The following NPAT variants were observed in gnomAD, a reference collection of about 807,000 sequenced individuals.
The protein encoded by NPAT is nuclear protein, coactivator of histone transcription.
A neutral mutation model predicts 130.7 loss-of-function variants in NPAT; 52 were observed. That is an observed-to-expected ratio of 0.40 (90% CI 0.32 to 0.50). NPAT has a LOEUF of 0.50. Ranked by LOEUF, NPAT falls within the 20% of genes least tolerant of loss-of-function variation. The pLI, the probability that NPAT is intolerant of heterozygous loss-of-function variation, is 0.68. For synonymous variants in NPAT, 580 were observed against 584.8 expected (o/e 0.99, Z 0.12); for missense variants, 1,687 against 1,662.6 (o/e 1.01, Z -0.26).
intron 1 of NPAT, among the ~76,000 whole-genome samples, chr11:108,216,673 T>A (rs942672922): frequency 7.2e-5 from 11 of 152,026 alleles, no homozygotes; most frequent in African/African-American, 2.2e-4. Context: ...TACAGATAAT[T>A]CATGGCATTT....
In NPAT at chr11:108,209,606, T is replaced by C. The variant is rs540680813; in HGVS notation, c.38-12186A>G. ...TAAAATTTAAAATCAATTACCACAT[T>C]GGGCCAGGCACGGTGGCTCACGCCT... On this transcript the variant is annotated intron_variant, in intron 1 of 17. Transcript: ENST00000278612. Among the ~76,000 whole-genome samples, 28 of 151,974 alleles carry C rather than the reference T, an allele frequency of 1.8e-4. No homozygotes were observed. In the South Asian group the frequency reaches 4.8e-3, roughly 26 times the overall value.
intron 1 of NPAT, among the ~76,000 whole-genome samples, chr11:108,207,662 C>T (rs2078342032): frequency 6.6e-6 from 1 of 152,232 alleles, no homozygotes; most frequent in Non-Finnish European, 1.5e-5. Flanking sequence ...GGAGTGGGCA[C>T]CGGGAGCAGG....
In NPAT at chr11:108,161,494, C is replaced by T; in HGVS notation, c.3592G>A (p.Glu1198Lys). Residue 1198 changes from glutamate to lysine, a missense_variant, in exon 17 of 18, where the codon GAG (glutamate) becomes AAG (lysine). By Grantham distance (56) the Glu-to-Lys change is moderately conservative. This residue lies in a region of NPAT where 1,379 missense variants were observed against 1,346.6 expected (regional missense o/e 1.02). Coordinates refer to ENST00000278612, the MANE Select transcript of NPAT (RefSeq NM_002519.3). ...TCTTGCAGTGAAGCTATAGATTTCT[C>T]ACTTCGCAAACCCCCATTTTGCTGC... Reference protein sequence around the residue: ...IGQQNGGLRSEKSIASLQEMT... With the variant: ...IGQQNGGLRSKKSIASLQEMT... The T allele has an allele frequency of 1.2e-6, 2 of 1,614,182 alleles. No homozygotes were observed. The highest frequency in any genetic ancestry group is 1.7e-6 in the Non-Finnish European group (2 of 1,180,024).
chr11:108,222,004 GAAGATC>G (rs1442280037), intron 1 of NPAT, among the ~76,000 whole-genome samples: 1 of 152,166 alleles, frequency 6.6e-6, no homozygotes, highest in Non-Finnish European at 1.5e-5. Context: ...GATGGAGAAG[GAAGATC>G]ACCCCTACTC....
At chr11:108,191,581 A>G (rs2078169803) in intron 4 of NPAT, among the ~76,000 whole-genome samples, 2 of 152,242 alleles carry the variant, frequency 1.3e-5, no homozygotes, top group Admixed American at 1.3e-4. Flanking sequence ...AATGAAACCC[A>G]TGCTGAAGTT....
intron 15 of NPAT, among the ~76,000 whole-genome samples, chr11:108,167,862 AC>A (rs1179696359): frequency 1.3e-5 from 2 of 152,310 alleles, no homozygotes; most frequent in East Asian, 3.9e-4. Context: ...TAAAAGTATA[AC>A]ACCTCAACAG....
At chr11:108,214,120 C>A (rs1591420312) in intron 1 of NPAT, among the ~76,000 whole-genome samples, 1 of 152,096 alleles carries the variant, frequency 6.6e-6, no homozygotes, top group South Asian at 2.1e-4. Flanking sequence ...GGTCTCGCTC[C>A]CCTGGCTTCA....
Position 108,161,917 on chromosome 11 carries a change from T to A in NPAT, c.3169A>T (p.Lys1057Ter), listed in dbSNP as rs773865494. Reference protein sequence around the residue: ...FPEESIVPAAKPCHRRVLCFD... With the variant: ...FPEESIVPAA ...CAGAGTACACGTCTGTGGCATGGTT[T>A]AGCAGCTGGAACTATACTCTCTTCT... is the stretch of plus-strand genomic sequence containing the variant. The change falls in exon 17 of 18, where the codon AAA (lysine) becomes TAA (stop). Residue 1057 changes from lysine (K) to a stop codon, truncating the protein, a stop_gained. Transcript: ENST00000278612. LOFTEE classifies it high-confidence loss of function. The A allele has an allele frequency of 6.2e-7, 1 of 1,611,318 alleles. No individual in the cohort carries two copies. The highest frequency in any genetic ancestry group is 2.2e-5 in the East Asian group (1 of 44,876).
intron 5 of NPAT, among the ~76,000 whole-genome samples, chr11:108,190,202 A>G (rs2078153363): frequency 1.3e-5 from 2 of 150,694 alleles, no homozygotes; most frequent in African/African-American, 2.4e-5. Context: ...AGTCCCAGCT[A>G]CTTGGGAGTC....
rs750186277 is a variant in NPAT at position 108,173,462 on chromosome 11, G to C, written c.1522C>G (p.Pro508Ala). The C allele has an allele frequency of 3.1e-6, 5 of 1,614,030 alleles. No homozygotes were observed. In the East Asian group the frequency reaches 8.9e-5, roughly 29 times the overall value. The change falls in exon 13 of 18, where the codon CCA becomes GCA. Residue 508 changes from proline to alanine, a missense_variant. Physicochemically the swap from Pro to Ala is conservative, Grantham distance 27. Around this residue, in one of 3 missense-constraint regions of NPAT, gnomAD observed 1,379 missense variants for 1,346.6 expected, o/e 1.02. Transcript: ENST00000278612. ...SQLQPDQPDIPITSFVSLGCE... is the reference protein window; with the variant it reads ...SQLQPDQPDIAITSFVSLGCE... ...CCAAGTGAAACAAATGAAGTTATTG[G>C]TATATCAGGCTGATCAGGCTGTAAC...
At chr11:108,177,842 T>C (rs1273981382) in intron 10 of NPAT, among the ~76,000 whole-genome samples, 1 of 152,122 alleles carries the variant, frequency 6.6e-6, no homozygotes, top group Admixed American at 6.5e-5. Flanking sequence ...CACCTCAGCC[T>C]TCTGAGTAGC....
At position 108,176,318 on chromosome 11, in the gene NPAT, A is replaced by G. The variant is rs1266376132; in HGVS notation, c.1060T>C (p.Ser354Pro). Residue 354 changes from serine to proline, a missense_variant, in exon 12 of 18, where the codon TCC (serine) becomes CCC (proline). Around this residue, in one of 3 missense-constraint regions of NPAT, gnomAD observed 1,379 missense variants for 1,346.6 expected, o/e 1.02. Transcript: ENST00000278612. ...TCTGCTAAGACTATACTGGGATTGG[A>G]TTCCATAGGTTGACTGGAAATACTT... ...SQSISSQPME[S>P]NPSIVLADET... The G allele has an allele frequency of 6.4e-7, 1 of 1,570,214 alleles. No homozygotes were observed. The highest frequency in any genetic ancestry group is 8.8e-7 in the Non-Finnish European group (1 of 1,140,382).
intron 1 of NPAT, among the ~76,000 whole-genome samples, chr11:108,221,514 C>G (rs1299263028): frequency 6.6e-6 from 1 of 152,228 alleles, no homozygotes; most frequent in Non-Finnish European, 1.5e-5. Flanking sequence ...ATGTGCTTAT[C>G]AAGAGCCCTG....
rs374721103 is a variant in NPAT at position 108,201,158 on chromosome 11, GCT to G, written c.38-3740_38-3739del. Among the ~76,000 whole-genome samples the G allele has an allele frequency of 3.3e-4, 50 of 152,334 alleles. No homozygotes were observed. In the East Asian group the frequency reaches 8.9e-3, roughly 27 times the overall value. ...ATAAGGTCTCAAAATCTAAGGCTCA[GCT>G]CTGTCAGACTTCAGTGAAGTACCTA... is the stretch of plus-strand genomic sequence containing the variant. On this transcript the variant is annotated intron_variant, in intron 1 of 17. Coordinates refer to ENST00000278612, the MANE Select transcript of NPAT (RefSeq NM_002519.3).
chr11:108,180,554 C>T (rs1565314763), intron 10 of NPAT, among the ~76,000 whole-genome samples: 1 of 152,112 alleles, frequency 6.6e-6, no homozygotes, highest in Non-Finnish European at 1.5e-5. Flanking sequence ...AAAAATGACA[C>T]GTGTTGATGA....
intron 10 of NPAT, among the ~76,000 whole-genome samples, chr11:108,182,591 G>A (rs948215887): frequency 4.6e-5 from 7 of 152,350 alleles, no homozygotes; most frequent in Middle Eastern, 3.4e-3. Flanking sequence ...TCCGCCTCCC[G>A]GGTTCAAGCG....
At chr11:108,198,220 T>C (rs2078242389) in intron 1 of NPAT, among the ~76,000 whole-genome samples, 1 of 151,918 alleles carries the variant, frequency 6.6e-6, no homozygotes, top group African/African-American at 2.4e-5. Context: ...AGAAGAAAAA[T>C]CTAATCTCAA....
intron 1 of NPAT, among the ~76,000 whole-genome samples, chr11:108,214,885 G>A (rs536427471): frequency 2.8e-4 from 42 of 152,232 alleles, no homozygotes; most frequent in Middle Eastern, 3.4e-3. Flanking sequence ...TGCCCGCCTC[G>A]GCCTCCCAAA....
chr11:108,168,010 C>T (rs2077916380), intron 15 of NPAT, among the ~76,000 whole-genome samples: 1 of 152,108 alleles, frequency 6.6e-6, no homozygotes, highest in Non-Finnish European at 1.5e-5. Flanking sequence ...ATATGAGATA[C>T]TACCACTTTA....
Sources: allele counts gnomAD v4.1 joint callset (sites outside exome capture counted in the v4.1 genomes callset), GRCh38; gene constraint gnomAD v4.1.1; regional missense constraint gnomAD v4.1.1; transcripts MANE v1.5; gene names NCBI Gene and HGNC (gene_info 2026-07-23, HGNC 2026-07-21).